Variants in HOXD13 observed in about 807,000 individuals in gnomAD.
The protein encoded by HOXD13 is homeobox D13.
Under a neutral mutation model 27.3 loss-of-function variants are expected in HOXD13, and 16 were observed. The ratio of observed to expected loss-of-function variants is 0.59; its 90% CI spans 0.40 to 0.89. HOXD13 has a LOEUF of 0.89. Ranked by LOEUF, HOXD13 falls within the 40% of genes least tolerant of loss-of-function variation. The pLI, the probability that HOXD13 is intolerant of heterozygous loss-of-function variation, is 0.00. For synonymous variants in HOXD13, 241 were observed against 219.0 expected (o/e 1.10, Z -0.89); for missense variants, 481 against 482.6 (o/e 1.00, Z 0.03).
At chr2:176,092,592 C>A (rs1336299554), upstream of HOXD13, among the ~76,000 whole-genome samples, 1 of 152,094 alleles carries the variant, frequency 6.6e-6, no homozygotes, top group Non-Finnish European at 1.5e-5. Flanking sequence ...CCTACCCCCA[C>A]GTGGCCGCGC....
Position 176,093,543 on chromosome 2 carries a change from C to T in HOXD13, c.653C>T (p.Pro218Leu), listed in dbSNP as rs2105379170. Residue 218 changes from proline (P) to leucine (L), a missense_variant, in exon 1 of 2, where the codon CCT becomes CTT. Pro to Leu is a moderately conservative substitution (Grantham distance 98, BLOSUM62 -3). Coordinates refer to ENST00000392539, the MANE Select transcript of HOXD13 (RefSeq NM_000523.4). The stretch of plus-strand genomic sequence containing the variant: ...GTGTCCACTTTCGGCTCCGGGGAGC[C>T]TCGGCACGAGGCCTACATCTCCATG... ...DMVSTFGSGE[P>L]RHEAYISMEG... The T allele has an allele frequency of 3.1e-6, 5 of 1,613,992 alleles. No homozygotes were observed. The highest frequency in any genetic ancestry group is 4.2e-6 in the Non-Finnish European group (5 of 1,180,010).
upstream of HOXD13, among the ~76,000 whole-genome samples, chr2:176,089,170 A>T (rs1689285193): frequency 6.6e-6 from 1 of 152,092 alleles, no homozygotes; most frequent in Admixed American, 6.5e-5. Context: ...AGCTGTTGCT[A>T]GGGTCCCCTT....
At position 176,092,816 on chromosome 2, in the gene HOXD13, G is replaced by A; in HGVS notation, c.-75G>A. On this transcript the variant is annotated 5_prime_UTR_variant, in exon 1 of 2. Transcript: ENST00000392539. ...CGAGCGAACCAGAGAGAAAGGAGAG[G>A]AGGGAGGAGGCGCGCCGCGCCATGG... 6 of 967,932 alleles carry A rather than the reference G, an allele frequency of 6.2e-6. No individual in the cohort carries two copies. The highest frequency in any genetic ancestry group is 8.0e-6 in the Non-Finnish European group (6 of 754,518). 60.0% of individuals were successfully genotyped at this position (967,932 alleles called of 1,614,324 possible).
At position 176,092,889 on chromosome 2, in the gene HOXD13, C is replaced by A; in HGVS notation, c.-2C>A. 1 of 1,267,878 alleles carries A rather than the reference C, an allele frequency of 7.9e-7. No homozygotes were observed. Among genetic ancestry groups the A allele is most frequent in the South Asian group, 2.8e-5 (1 of 36,206 alleles). The allele number at this position is 1,267,878 out of a possible 1,614,324, so 78.5% of individuals were successfully genotyped here. On this transcript the variant is annotated 5_prime_UTR_variant, in exon 1 of 2. Transcript: ENST00000392539. ...AGGGCCGGGGCCGGGCCAGGCCGGG[C>A]CATGAGCCGCGCCGGGAGCTGGGAC... is the stretch of plus-strand genomic sequence containing the variant.
Position 176,093,342 on chromosome 2 carries a change from T to C in HOXD13, c.452T>C (p.Leu151Pro), listed in dbSNP as rs1689357712. Residue 151 changes from leucine to proline, a missense_variant, in exon 1 of 2, where the codon CTC (leucine) becomes CCC (proline). Physicochemically the swap from Leu to Pro is moderately conservative, Grantham distance 98 (BLOSUM62 -3). Transcript: ENST00000392539. ...SHGVGLQQNA[L>P]KSSPHASLGG... ...GGCGTGGGCTTACAGCAGAATGCGC[T>C]CAAGTCATCGCCGCACGCCTCGCTG... The C allele has an allele frequency of 6.2e-7, 1 of 1,613,402 alleles. No individual in the cohort carries two copies. Among genetic ancestry groups the C allele is most frequent in the African/African-American group, 1.3e-5 (1 of 74,916 alleles).
At position 176,093,277 on chromosome 2, in the gene HOXD13, C is replaced by T. The variant is rs766755072; in HGVS notation, c.387C>T (p.Tyr129=). The T allele has an allele frequency of 6.2e-7, 1 of 1,611,678 alleles. No individual in the cohort carries two copies. Among genetic ancestry groups the T allele is most frequent in the South Asian group, 1.1e-5 (1 of 91,020 alleles). ...GCGCTCCAGCGCTGGGCTACGGCTACCACTTCGGCAACGGCTACTACAGCT... is the reference window on the plus strand; with the variant it reads ...GCGCTCCAGCGCTGGGCTACGGCTATCACTTCGGCAACGGCTACTACAGCT... ...PPSAPALGYG[Y]HFGNGYYSCR... The change falls in exon 1 of 2, where the codon TAC becomes TAT. Residue 129 remains tyrosine (Y), a synonymous_variant. Coordinates refer to ENST00000392539, the MANE Select transcript of HOXD13 (RefSeq NM_000523.4).
At chr2:176,087,799 C>A (rs563707434), upstream of HOXD13, among the ~76,000 whole-genome samples, 1 of 152,234 alleles carries the variant, frequency 6.6e-6, no homozygotes, top group African/African-American at 2.4e-5. Flanking sequence ...GGACTTCCTT[C>A]GCATGGACTG....
In HOXD13 at chr2:176,093,227, G is replaced by A. The variant is rs2105378516; in HGVS notation, c.337G>A (p.Ala113Thr). ...PAKECPAPTP[A>T]AAAAAPPSAP... The stretch of plus-strand genomic sequence containing the variant: ...CAAAGAGTGCCCAGCACCCACGCCT[G>A]CAGCGGCCGCTGCAGCGCCCCCGAG... Residue 113 changes from alanine (A) to threonine (T), a missense_variant, in exon 1 of 2, where the codon GCA becomes ACA. Coordinates refer to ENST00000392539, the MANE Select transcript of HOXD13 (RefSeq NM_000523.4). The A allele has an allele frequency of 1.2e-6, 2 of 1,609,450 alleles. No homozygotes were observed. The highest frequency in any genetic ancestry group is 8.5e-7 in the Non-Finnish European group (1 of 1,179,268).
At position 176,094,636 on chromosome 2, in the gene HOXD13, C is replaced by T. The variant is rs1432063993; in HGVS notation, c.938C>T (p.Thr313Met). The T allele has an allele frequency of 3.7e-6, 6 of 1,613,762 alleles. No individual in the cohort carries two copies. The highest frequency in any genetic ancestry group is 5.1e-6 in the Non-Finnish European group (6 of 1,179,800). Residue 313 changes from threonine (T) to methionine (M), a missense_variant, in exon 2 of 2, where the codon ACG (threonine) becomes ATG (methionine). Physicochemically the swap from Thr to Met is moderately conservative, Grantham distance 81. Transcript: ENST00000392539. ...AAGCGGCGGCGTATCTCGGCTGCTA[C>T]GAACCTATCTGAGAGACAAGTGACC... The part of the protein sequence containing the change: ...KDKRRRISAA[T>M]NLSERQVTIW...
rs1689357967 is a variant in HOXD13, at chr2:176,093,358, C to T, written c.468C>T (p.His156=). ...LQQNALKSSP[H]ASLGGFPVEK... ...AGAATGCGCTCAAGTCATCGCCGCA[C>T]GCCTCGCTGGGAGGCTTTCCCGTGG... The change falls in exon 1 of 2, where the codon CAC becomes CAT. Residue 156 remains histidine, a synonymous_variant. Coordinates refer to ENST00000392539, the MANE Select transcript of HOXD13 (RefSeq NM_000523.4). 6.2e-7 allele frequency: 1 copy of T among 1,613,710 alleles called. No individual in the cohort carries two copies. The highest frequency in any genetic ancestry group is 8.5e-7 in the Non-Finnish European group (1 of 1,180,042).
In HOXD13 at chr2:176,094,880, G is replaced by T. The variant is rs1559108925; in HGVS notation, c.*150G>T. On this transcript the variant is annotated 3_prime_UTR_variant, in exon 2 of 2. Coordinates refer to ENST00000392539, the MANE Select transcript of HOXD13 (RefSeq NM_000523.4). ...TGTTTTTCTCTCTTCCCCTTATCTG[G>T]CTCTAAAACCTTCTGCTGCCCAACC... The T allele has an allele frequency of 7.5e-6, 5 of 669,824 alleles. No individual in the cohort carries two copies. Among genetic ancestry groups the T allele is most frequent in the Admixed American group, 2.6e-5 (1 of 39,192 alleles). 41.5% of individuals were successfully genotyped at this position (669,824 alleles called of 1,614,324 possible).
rs1465211384 is a variant in HOXD13, at chr2:176,092,725, G to C, written c.-166G>C. ...CGTCCCGCGATGAGCTAACCTGTTG[G>C]AGGGCAGGCGGGCCGGAGGCGGGAG... On this transcript the variant is annotated 5_prime_UTR_variant, in exon 1 of 2. Transcript: ENST00000392539. Among the ~76,000 whole-genome samples the C allele has an allele frequency of 6.6e-6, 1 of 152,156 alleles. No individual in the cohort carries two copies. Among genetic ancestry groups the C allele is most frequent in the Non-Finnish European group, 1.5e-5 (1 of 68,008 alleles).
At position 176,093,210 on chromosome 2, in the gene HOXD13, G is replaced by A; in HGVS notation, c.320G>A (p.Cys107Tyr). Reference sequence around the variant, plus strand: ...CCGGAGGCTCCCCCAGCCAAAGAGTGCCCAGCACCCACGCCTGCAGCGGCC... The same window carrying A: ...CCGGAGGCTCCCCCAGCCAAAGAGTACCCAGCACCCACGCCTGCAGCGGCC... ...ARPEAPPAKE[C>Y]PAPTPAAAAA... The change falls in exon 1 of 2, where the codon TGC (cysteine) becomes TAC (tyrosine). Residue 107 changes from cysteine to tyrosine, a missense_variant. Coordinates refer to ENST00000392539, the MANE Select transcript of HOXD13 (RefSeq NM_000523.4). The A allele has an allele frequency of 5.0e-6, 8 of 1,608,970 alleles. No homozygotes were observed. Among genetic ancestry groups the A allele is most frequent in the Non-Finnish European group, 5.9e-6 (7 of 1,179,326 alleles).
chr2:176,094,337 G>A (rs564236662), intron 1 of HOXD13, 143 bp from the exon 2 acceptor site: 31 of 788,340 alleles, frequency 3.9e-5, no homozygotes, highest in Non-Finnish European at 5.8e-5. Flanking sequence ...ACATAATAAA[G>A]ACCAAACAGC....
In HOXD13 at chr2:176,094,922, A is replaced by C. The variant is rs1446149562; in HGVS notation, c.*192A>C. ...TGCCCAACCTGACTTTGTAGTTCTG[A>C]TTTTTACTTGTTTATTATTGGTTTT... On this transcript the variant is annotated 3_prime_UTR_variant, in exon 2 of 2. Transcript: ENST00000392539. 5 of 592,372 alleles carry C rather than the reference A, an allele frequency of 8.4e-6. No homozygotes were observed. The highest frequency in any genetic ancestry group is 3.0e-5 in the Admixed American group (1 of 33,288). 36.7% of individuals were successfully genotyped at this position (592,372 alleles called of 1,614,324 possible).
chr2:176,087,908 T>C (rs1689264709), upstream of HOXD13, among the ~76,000 whole-genome samples: 1 of 152,218 alleles, frequency 6.6e-6, no homozygotes, highest in African/African-American at 2.4e-5. Flanking sequence ...CAGCAGCGGG[T>C]CCTCTGAGGT....
rs2105378881 is a variant in HOXD13, at chr2:176,093,422, G to C, written c.532G>C (p.Val178Leu). 1.9e-6 allele frequency: 3 copies of C among 1,613,956 alleles called. No individual in the cohort carries two copies. The highest frequency in any genetic ancestry group is 2.5e-6 in the Non-Finnish European group (3 of 1,180,030). Reference protein sequence around the residue: ...MDVSGLASSSVPANEVPARAK... With the variant: ...MDVSGLASSSLPANEVPARAK... ...CGTGTCAGGCCTGGCGAGCAGCAGC[G>C]TACCGGCCAACGAGGTGCCAGCGCG... is the stretch of plus-strand genomic sequence containing the variant. The change falls in exon 1 of 2, where the codon GTA becomes CTA. Residue 178 changes from valine (V) to leucine (L), a missense_variant. Val to Leu is a conservative substitution (Grantham distance 32, BLOSUM62 1). Transcript: ENST00000392539.
chr2:176,094,775 T>C lies in HOXD13; in HGVS notation c.*45T>C. The C allele has an allele frequency of 1.3e-6, 2 of 1,580,852 alleles. No homozygotes were observed. Among genetic ancestry groups the C allele is most frequent in the Non-Finnish European group, 1.7e-6 (2 of 1,149,956 alleles). On this transcript the variant is annotated 3_prime_UTR_variant, in exon 2 of 2. Coordinates refer to ENST00000392539, the MANE Select transcript of HOXD13 (RefSeq NM_000523.4). ...AGACAGCTTAGAAGCCATTCGGTTG[T>C]CTCCAAAAGGCCTTTGGAAAGACTT...
At position 176,092,940 on chromosome 2, in the gene HOXD13, G is replaced by A; in HGVS notation, c.50G>A (p.Gly17Glu). The change falls in exon 1 of 2, where the codon GGG becomes GAG. Residue 17 changes from glycine (G) to glutamate (E), a missense_variant. Transcript: ENST00000392539. ...WDMDGLRADG[G>E]GAGGAPASSS... Reference sequence around the variant, plus strand: ...ATGGACGGGCTGCGGGCAGACGGCGGGGGCGCCGGTGGCGCCCCGGCCTCT... The same window carrying A: ...ATGGACGGGCTGCGGGCAGACGGCGAGGGCGCCGGTGGCGCCCCGGCCTCT... 1 of 1,330,942 alleles carries A rather than the reference G, an allele frequency of 7.5e-7. No homozygotes were observed. The highest frequency in any genetic ancestry group is 9.6e-7 in the Non-Finnish European group (1 of 1,043,534). 82.4% of individuals were successfully genotyped at this position (1,330,942 alleles called of 1,614,324 possible). A position where few individuals can be genotyped will look rare whatever the true frequency, so the allele number is the denominator to read the frequency against.
Sources: allele counts gnomAD v4.1 joint callset (sites outside exome capture counted in the v4.1 genomes callset), GRCh38; gene constraint gnomAD v4.1.1; transcripts MANE v1.5; gene names NCBI Gene and HGNC (gene_info 2026-07-23, HGNC 2026-07-21).